The following DAPK1 variants were observed in gnomAD, a reference collection of about 807,000 sequenced individuals.
The protein encoded by DAPK1 is death associated protein kinase 1, also known as death-associated protein kinase 1.
DAPK1 carries 56 observed loss-of-function variants against 144.9 expected under a neutral mutation model. That is an observed-to-expected ratio of 0.39 (90% confidence interval 0.31 to 0.48). The LOEUF (loss-of-function observed/expected upper bound fraction) is 0.48, where lower values mean the gene tolerates loss of function less well. DAPK1 is among the 20% of genes least tolerant of loss of function. The pLI, the probability that DAPK1 is intolerant of heterozygous loss-of-function variation, is 0.95. For missense variants in DAPK1, 1,454 were observed against 1,875.4 expected, an observed-to-expected ratio of 0.78 and a Z score of 4.15; for synonymous variants, 690 against 749.0, an observed-to-expected ratio of 0.92 and a Z score of 1.29.
intron 17 of DAPK1, among the ~76,000 whole-genome samples, chr9:87,652,198 T>C (rs1474916443): frequency 6.4e-4 from 32 of 50,388 alleles, no homozygotes; most frequent in Admixed American, 1.8e-3. Flanking sequence ...TCTGTGTCCA[T>C]CCCCCCGATC....
chr9:87,617,602 T>A (rs1269004198), intron 3 of DAPK1, among the ~76,000 whole-genome samples: 1 of 152,220 alleles, frequency 6.6e-6, no homozygotes, highest in Non-Finnish European at 1.5e-5. Flanking sequence ...ACTGAAAGGG[T>A]GCTGCCAAAA....
chr9:87,562,831 T>C (rs943947752), intron 2 of DAPK1, among the ~76,000 whole-genome samples: 9 of 152,246 alleles, frequency 5.9e-5, no homozygotes, highest in African/African-American at 2.2e-4. Flanking sequence ...AAAAGTCTGC[T>C]GCTATTGCAG....
intron 17 of DAPK1, among the ~76,000 whole-genome samples, chr9:87,654,145 A>G (rs1458625133): frequency 6.6e-6 from 1 of 152,252 alleles, no homozygotes; most frequent in Non-Finnish European, 1.5e-5. Flanking sequence ...TTTTAGGTTC[A>G]TAAAAAATGT....
intron 3 of DAPK1, among the ~76,000 whole-genome samples, chr9:87,606,988 C>T (rs982008043): frequency 1.3e-5 from 2 of 151,504 alleles, no homozygotes; most frequent in Non-Finnish European, 2.9e-5. Context: ...CATGTTGTGA[C>T]AACTAAAAAT....
chr9:87,655,788 C>A (rs1830609680), intron 17 of DAPK1, among the ~76,000 whole-genome samples: 1 of 152,194 alleles, frequency 6.6e-6, no homozygotes, highest in Non-Finnish European at 1.5e-5. Flanking sequence ...ATGGCCCTTA[C>A]CCATTTGTCC....
rs1008508014 is a variant in DAPK1 at position 87,702,884 on chromosome 9, A to G, written c.2872-145A>G. ...GAGACCCAGTCTAAAAAAAGAAAAA[A>G]AAACGTCAACAACAACAAAAAAACC... On this transcript the variant is annotated intron_variant, in intron 24 of 25. Transcript: ENST00000408954. 3 of 597,636 alleles carry G rather than the reference A, an allele frequency of 5.0e-6. No homozygotes were observed. In the African/African-American group the frequency reaches 5.6e-5, roughly 11 times the overall value. The allele number at this position is 597,636 out of a possible 1,614,324, so 37.0% of individuals were successfully genotyped here.
At chr9:87,507,221 C>CT (rs928605100) in intron 2 of DAPK1, among the ~76,000 whole-genome samples, 2 of 151,726 alleles carry the variant, frequency 1.3e-5, no homozygotes, top group African/African-American at 2.4e-5. Flanking sequence ...ATCATGGGGC[C>CT]TTTTTTTTGA....
intron 3 of DAPK1, chr9:87,632,377 T>C: frequency 2.0e-6 from 2 of 982,826 alleles, no homozygotes; most frequent in Non-Finnish European, 2.4e-6. Flanking sequence ...GATGAGTGCA[T>C]ATGTAGAAAT....
Position 87,707,582 on chromosome 9 carries a change from C to T in DAPK1, c.*218C>T, listed in dbSNP as rs911020922. 1.2e-5 allele frequency: 7 copies of T among 582,628 alleles called. No homozygotes were observed. The highest frequency in any genetic ancestry group is 1.1e-4 in the African/African-American group (6 of 53,518). The allele number at this position is 582,628 out of a possible 1,614,324, so 36.1% of individuals were successfully genotyped here. ...TGGTCATTGCAGTTTAAGAGCAGAA[C>T]AGATCTTTTACTTTGGCCGCTTGAA... is the stretch of plus-strand genomic sequence containing the variant. On this transcript the variant is annotated 3_prime_UTR_variant, in exon 26 of 26. Coordinates refer to ENST00000408954, the MANE Select transcript of DAPK1 (RefSeq NM_004938.4). This position sits in a 1 kb window ranked among gnomAD's most constrained non-coding sequence, Gnocchi z 4.0.
At chr9:87,634,793 C>A (rs756782638) in intron 3 of DAPK1, among the ~76,000 whole-genome samples, 2 of 152,132 alleles carry the variant, frequency 1.3e-5, no homozygotes, top group African/African-American at 4.8e-5. Flanking sequence ...CCTGACATCA[C>A]GTGGGGAGGG....
chr9:87,678,998 T>C (rs1017912381), intron 19 of DAPK1, among the ~76,000 whole-genome samples: 1 of 152,084 alleles, frequency 6.6e-6, no homozygotes, highest in Non-Finnish European at 1.5e-5. Context: ...TAACACTGGC[T>C]TTTGCTGCTG....
At chr9:87,638,806 C>T (rs959378797) in intron 4 of DAPK1, among the ~76,000 whole-genome samples, 14 of 152,230 alleles carry the variant, frequency 9.2e-5, no homozygotes, top group Non-Finnish European at 1.6e-4. Context: ...CATGTCCCTG[C>T]TGGCCCCACA....
At chr9:87,614,716 C>A (rs558985211) in intron 3 of DAPK1, among the ~76,000 whole-genome samples, 1 of 152,202 alleles carries the variant, frequency 6.6e-6, no homozygotes, top group Non-Finnish European at 1.5e-5. Flanking sequence ...TCCCTCTCTT[C>A]GCTGCTCCAG....
chr9:87,558,268 C>G (rs1179758634), intron 2 of DAPK1, among the ~76,000 whole-genome samples: 1 of 152,142 alleles, frequency 6.6e-6, no homozygotes. Flanking sequence ...GTCAGCACCT[C>G]TCCCTGAAGC....
chr9:87,549,143 G>C (rs139932969), intron 2 of DAPK1, among the ~76,000 whole-genome samples: 1 of 151,830 alleles, frequency 6.6e-6, no homozygotes, highest in Non-Finnish European at 1.5e-5. Context: ...CCCTGTGTCC[G>C]TGTGTTCTCA....
At chr9:87,688,641 T>C (rs2117938041) in intron 21 of DAPK1, among the ~76,000 whole-genome samples, 1 of 152,332 alleles carries the variant, frequency 6.6e-6, no homozygotes, top group Non-Finnish European at 1.5e-5. Context: ...TGGTGTGAAA[T>C]GGTATCTCAT....
intron 19 of DAPK1, among the ~76,000 whole-genome samples, chr9:87,678,134 G>C (rs528867517): frequency 6.6e-6 from 1 of 152,184 alleles, no homozygotes; most frequent in South Asian, 2.1e-4. Flanking sequence ...AGACCACCTC[G>C]TGTTCTACAG....
chr9:87,537,803 A>G (rs1321406609), intron 2 of DAPK1, among the ~76,000 whole-genome samples: 3 of 152,208 alleles, frequency 2.0e-5, no homozygotes, highest in African/African-American at 7.2e-5. Flanking sequence ...GGTAAGGACC[A>G]GATTGGTTCT....
chr9:87,592,765 G>C (rs555724419), intron 2 of DAPK1, among the ~76,000 whole-genome samples: 2 of 151,858 alleles, frequency 1.3e-5, no homozygotes, highest in African/African-American at 4.8e-5. Flanking sequence ...CAGGCTTCCC[G>C]GGAGCTCCGG....
Sources: allele counts gnomAD v4.1 joint callset (sites outside exome capture counted in the v4.1 genomes callset), GRCh38; gene constraint gnomAD v4.1.1; non-coding constraint Gnocchi (gnomAD v3.1); transcripts MANE v1.5; gene names NCBI Gene and HGNC (gene_info 2026-07-23, HGNC 2026-07-21).